Variants in GP6 observed in about 807,000 individuals in gnomAD.
GP6 encodes glycoprotein VI platelet.
A neutral mutation model predicts 37.3 loss-of-function variants in GP6; 45 were observed. That is an observed-to-expected ratio of 1.21 (90% CI 0.95 to 1.55). GP6 has a LOEUF of 1.55. GP6 is among the 40% of genes most tolerant of loss of function. The pLI, the probability that GP6 is intolerant of heterozygous loss-of-function variation, is 0.00. For synonymous variants in GP6, 340 were observed against 316.4 expected (o/e 1.07, Z -0.79); for missense variants, 813 against 760.2 (o/e 1.07, Z -0.82).
chr19:55,024,361 CATAT>C (rs1568613726), intron 5 of GP6, among the ~76,000 whole-genome samples: 2 of 18,070 alleles, frequency 1.1e-4, no homozygotes, highest in African/African-American at 1.1e-4. Context: ...CGCACACACA[CATAT>C]GCACGCACAC....
chr19:55,036,382 G>A (rs1217263143), intron 1 of GP6, among the ~76,000 whole-genome samples: 1 of 152,062 alleles, frequency 6.6e-6, no homozygotes, highest in Admixed American at 6.6e-5. Flanking sequence ...AGAACCACTT[G>A]TATCCCAAAA....
chr19:55,023,977 G>A (rs999565104), intron 5 of GP6, among the ~76,000 whole-genome samples: 1 of 150,840 alleles, frequency 6.6e-6, no homozygotes, highest in African/African-American at 2.4e-5. Context: ...TAAAAGGGTA[G>A]CCCAAGGGAG....
In GP6 at chr19:55,032,231, A is replaced by G. The variant is rs1410354161; in HGVS notation, c.233T>C (p.Met78Thr). ...GTAGCGTCCAGCCAGACTTCTCTTC[A>G]TGGCCGGGATGAAGAGGACTGCCTG... Residue 78 changes from methionine to threonine, a missense_variant, in exon 3 of 8, where the codon ATG becomes ACG. Met to Thr is a moderately conservative substitution (Grantham distance 81, BLOSUM62 -1). Coordinates refer to ENST00000310373, the MANE Select transcript of GP6 (RefSeq NM_001083899.2). 14 of 1,614,042 alleles carry G rather than the reference A, an allele frequency of 8.7e-6. No individual in the cohort carries two copies. The highest frequency in any genetic ancestry group is 1.2e-5 in the Non-Finnish European group (14 of 1,179,942).
intron 5 of GP6, among the ~76,000 whole-genome samples, chr19:55,024,342 G>GCACGCACACA (rs2074217497): frequency 2.2e-4 from 4 of 17,914 alleles, no homozygotes; most frequent in East Asian, 3.4e-3. Flanking sequence ...ACGCACACAC[G>GCACGCACACA]CACATGCACG....
chr19:55,027,587 C>G lies in GP6; in HGVS notation c.601G>C (p.Val201Leu). ...TCTGCACTACCCCTACCTGTGACCA[C>G]AAGCTCCAGGGGGTCGCTGGGGGCT... Residue 201 changes from valine to leucine, a missense_variant, in exon 4 of 8, where the codon GTG (valine) becomes CTG (leucine). Coordinates refer to ENST00000310373, the MANE Select transcript of GP6 (RefSeq NM_001083899.2). 6.2e-7 allele frequency: 1 copy of G among 1,613,340 alleles called. No individual in the cohort carries two copies. The highest frequency in any genetic ancestry group is 8.5e-7 in the Non-Finnish European group (1 of 1,179,450).
chr19:55,015,058 T>A lies in GP6; in HGVS notation c.887A>T (p.Glu296Val). The A allele has an allele frequency of 6.2e-6, 10 of 1,607,094 alleles. No homozygotes were observed. Among genetic ancestry groups the A allele is most frequent in the Non-Finnish European group, 8.5e-6 (10 of 1,177,290 alleles). Residue 296 changes from glutamate to valine, a missense_variant, in exon 8 of 8, where the codon GAG (glutamate) becomes GTG (valine). By Grantham distance (121) the Glu-to-Val change is moderately radical. Transcript: ENST00000310373. ...CTGCCCCTGTGCCGCAGGCGCTTCC[T>A]CCGGCTGTGCCAGTCCTCTGCCAGA...
At chr19:55,017,880 C>G (rs145735932) in intron 6 of GP6, among the ~76,000 whole-genome samples, 5 of 145,010 alleles carry the variant, frequency 3.4e-5, no homozygotes, top group African/African-American at 1.3e-4. Context: ...ACCAGCCTTC[C>G]CAAGATGCTG....
At position 55,028,182 on chromosome 19, in the gene GP6, C is replaced by G. The variant is rs181509842; in HGVS notation, c.326-320G>C. 2.0e-5 allele frequency among the ~76,000 whole-genome samples: 3 copies of G among 152,304 alleles called. No individual in the cohort carries two copies. In the East Asian group the frequency reaches 5.8e-4, roughly 29 times the overall value. ...GGGGATGACTGAATGAGACAGTACA[C>G]AGTAATTTGCAGAGTGCCTGTTGCC... On this transcript the variant is annotated intron_variant, in intron 3 of 7. Coordinates refer to ENST00000310373, the MANE Select transcript of GP6 (RefSeq NM_001083899.2).
Position 55,019,137 on chromosome 19 carries a change from A to G in GP6, c.665-426T>C, listed in dbSNP as rs570114560. ...TTTTTTTTTTTTGAGACAGAGTCTC[A>G]TTCTGTTGCCCAGGCTGGAGTGCAG... On this transcript the variant is annotated intron_variant, in intron 5 of 7. Coordinates refer to ENST00000310373, the MANE Select transcript of GP6 (RefSeq NM_001083899.2). Among the ~76,000 whole-genome samples, 395 of 131,032 alleles carry G rather than the reference A, an allele frequency of 3.0e-3. 7 individuals carry two copies. The highest frequency in any genetic ancestry group is 0.011 in the African/African-American group (384 of 34,702). The allele number at this position is 131,032 out of a possible 152,430, so 86.0% of individuals were successfully genotyped here.
chr19:55,029,342 A>T (rs867488783), intron 3 of GP6, among the ~76,000 whole-genome samples: 16 of 2,140 alleles, frequency 7.5e-3, no homozygotes, highest in East Asian at 0.036. Context: ...ATATATATAT[A>T]TATATATATA....
rs550958789 is a variant in GP6 at position 55,015,857 on chromosome 19, G to T, written c.725-124C>A. 6.7e-5 allele frequency: 48 copies of T among 719,872 alleles called. No homozygotes were observed. The East Asian group carries it at 1.2e-3, about 18-fold the overall frequency. The allele number at this position is 719,872 out of a possible 1,614,324, so 44.6% of individuals were successfully genotyped here. A position where few individuals can be genotyped will look rare whatever the true frequency, so the allele number is the denominator to read the frequency against. ...TCCACAGCATTTAAGAAAAGCATGG[G>T]CCGGGCACGGTGCCTCATGCCTATA... is the stretch of plus-strand genomic sequence containing the variant. On this transcript the variant is annotated intron_variant, in intron 6 of 7. Coordinates refer to ENST00000310373, the MANE Select transcript of GP6 (RefSeq NM_001083899.2).
chr19:55,036,544 C>G (rs927066134), intron 1 of GP6, among the ~76,000 whole-genome samples: 1 of 151,440 alleles, frequency 6.6e-6, no homozygotes, highest in South Asian at 2.1e-4. Context: ...AAAAAAATTA[C>G]AAAAACAAGC....
intron 4 of GP6, 64 bp from the exon 5 acceptor site, chr19:55,025,335 A>C: frequency 1.0e-6 from 1 of 994,444 alleles, no homozygotes; most frequent in Middle Eastern, 2.0e-4. Context: ...CAAATAACGA[A>C]ACATCTCCGT....
intron 1 of GP6, among the ~76,000 whole-genome samples, chr19:55,034,353 A>G (rs536530013): frequency 1.4e-4 from 21 of 152,136 alleles, no homozygotes; most frequent in Non-Finnish European, 1.9e-4. Flanking sequence ...TCAGGAGTTC[A>G]AGACCAGCCT....
intron 5 of GP6, among the ~76,000 whole-genome samples, chr19:55,022,340 A>C (rs1055768492): frequency 2.0e-5 from 3 of 152,160 alleles, no homozygotes; most frequent in African/African-American, 7.2e-5. Flanking sequence ...GGTGTAAGGA[A>C]CGGGTCCAGT....
chr19:55,028,215 C>T (rs2074384963), intron 3 of GP6, among the ~76,000 whole-genome samples: 2 of 152,190 alleles, frequency 1.3e-5, no homozygotes, highest in South Asian at 2.1e-4. Flanking sequence ...GCCTAGCAAG[C>T]GCTGGAGTAA....
chr19:55,025,313 G>A lies in GP6; in HGVS notation c.611-42C>T, dbSNP rs897060101. On this transcript the variant is annotated intron_variant, in intron 4 of 7. Transcript: ENST00000310373. ...TGAGATAAATCTGTGCTCTGTCGCT[G>A]TGGGTCCTGAACAAATAACGAAACA... is the stretch of plus-strand genomic sequence containing the variant. 4.5e-5 allele frequency: 58 copies of A among 1,283,014 alleles called. No homozygotes were observed. The Admixed American group carries it at 4.5e-4, about 10-fold the overall frequency. 79.5% of individuals were successfully genotyped at this position (1,283,014 alleles called of 1,614,324 possible). A position where few individuals can be genotyped will look rare whatever the true frequency, so the allele number is the denominator to read the frequency against.
In GP6 at chr19:55,027,623, A is replaced by G. The variant is rs765744190; in HGVS notation, c.565T>C (p.Tyr189His). The G allele has an allele frequency of 2.9e-5, 47 of 1,613,546 alleles. No individual in the cohort carries two copies. Among genetic ancestry groups the G allele is most frequent in the Non-Finnish European group, 3.9e-5 (46 of 1,179,594 alleles). The stretch of plus-strand genomic sequence containing the variant: ...GGGTCGCTGGGGGCTGACCACAGGT[A>G]TGGGTCCCTGCTGGAGAAGCTGTAG... The change falls in exon 4 of 8, where the codon TAC (tyrosine) becomes CAC (histidine). Residue 189 changes from tyrosine (Y) to histidine (H), a missense_variant. Transcript: ENST00000310373.
rs1294508845 is a variant in GP6, at chr19:55,038,254, C to T, written c.-18G>A. 4 of 1,580,630 alleles carry T rather than the reference C, an allele frequency of 2.5e-6. No homozygotes were observed. The East Asian group carries it at 9.1e-5, about 36-fold the overall frequency. ...GGAGACATGGTTCCTCAGCCCTGTC[C>T]TGAGCTCTGTGGCCAGGGAGGGAAG... On this transcript the variant is annotated 5_prime_UTR_variant, in exon 1 of 8. Coordinates refer to ENST00000310373, the MANE Select transcript of GP6 (RefSeq NM_001083899.2).
Sources: gnomAD v4.1 joint callset for allele counts (sites outside exome capture counted in the v4.1 genomes callset) on GRCh38, gnomAD v4.1.1 for gene constraint, MANE v1.5 for transcripts, NCBI Gene and HGNC (gene_info 2026-07-23, HGNC 2026-07-21) for gene names.